The following IL18R1 variants were observed in gnomAD, a reference collection of about 807,000 sequenced individuals.
The protein encoded by IL18R1 is interleukin 18 receptor 1.
Under a neutral mutation model 48.5 loss-of-function variants are expected in IL18R1, and 40 were observed. The observed-to-expected ratio is 0.82, with a 90% CI of 0.64 to 1.07. IL18R1 has a LOEUF of 1.07. Among genes scored for constraint, IL18R1 ranks in the 50% least tolerant of loss-of-function variants. IL18R1 has a pLI of 0.00. For missense variants in IL18R1, 596 were observed against 633.7 expected (o/e 0.94, Z 0.64); for synonymous variants, 232 against 225.9 (o/e 1.03, Z -0.24).
rs57709990 is a variant in IL18R1, at chr2:102,390,934, C to CA, written c.1111+733dup. ...TGGGCGACAAAGCAAGACTCCGTCT[C>CA]AAAAAAAAAAAAAAAAGAGAGAGAA... On this transcript the variant is annotated intron_variant, in intron 9 of 10. Coordinates refer to ENST00000233957, the MANE Select transcript of IL18R1 (RefSeq NM_003855.5). Among the ~76,000 whole-genome samples the CA allele has an allele frequency of 2.3e-3, 184 of 80,218 alleles. 6 individuals are homozygous for CA. The highest frequency in any genetic ancestry group is 0.01 in the South Asian group (24 of 2,290). The allele number at this position is 80,218 out of a possible 152,430, so 52.6% of individuals were successfully genotyped here. A position where few individuals can be genotyped will look rare whatever the true frequency, so the allele number is the denominator to read the frequency against.
At chr2:102,384,078 G>A (rs1680080848) in intron 6 of IL18R1, among the ~76,000 whole-genome samples, 1 of 152,128 alleles carries the variant, frequency 6.6e-6, no homozygotes, top group Non-Finnish European at 1.5e-5. Context: ...TTACAAGTAG[G>A]TAGCCTGAGA....
chr2:102,387,979 G>A (rs1286202466), intron 8 of IL18R1, among the ~76,000 whole-genome samples: 1 of 152,108 alleles, frequency 6.6e-6, no homozygotes, highest in East Asian at 1.9e-4. Context: ...GAGAGGCAGA[G>A]ACATGAAGGG....
chr2:102,384,583 G>A (rs1436207934), intron 6 of IL18R1, among the ~76,000 whole-genome samples: 1 of 152,130 alleles, frequency 6.6e-6, no homozygotes, highest in Non-Finnish European at 1.5e-5. Context: ...CTCAGTGAGA[G>A]TATTGTCCTG....
intron 3 of IL18R1, among the ~76,000 whole-genome samples, chr2:102,369,688 A>T (rs1161558446): frequency 1.3e-5 from 2 of 152,246 alleles, no homozygotes; most frequent in African/African-American, 4.8e-5. Context: ...TATGTGTTCT[A>T]ACTTAGGTGT....
At chr2:102,390,730 G>A (rs556802482) in intron 9 of IL18R1, among the ~76,000 whole-genome samples, 3 of 152,034 alleles carry the variant, frequency 2.0e-5, no homozygotes, top group South Asian at 2.1e-4. Context: ...TCAGGAGATC[G>A]AGACCATCCT....
chr2:102,360,219 C>T (rs556236793), intron 1 of IL18R1, among the ~76,000 whole-genome samples: 1 of 152,282 alleles, frequency 6.6e-6, no homozygotes, highest in South Asian at 2.1e-4. Context: ...AGGAAAAATG[C>T]TCATTATGTA....
At chr2:102,388,591 G>T (rs1680380574) in intron 8 of IL18R1, among the ~76,000 whole-genome samples, 2 of 152,152 alleles carry the variant, frequency 1.3e-5, no homozygotes, top group Non-Finnish European at 2.9e-5. Context: ...AACAGGGCAG[G>T]ACTGTCCTAT....
At chr2:102,387,236 C>T (rs941629408) in intron 8 of IL18R1, among the ~76,000 whole-genome samples, 3 of 152,118 alleles carry the variant, frequency 2.0e-5, no homozygotes, top group African/African-American at 4.8e-5. Context: ...ATGTGGAAAT[C>T]GGGGGGCCTG....
At chr2:102,365,841 T>G (rs1251765834) in intron 2 of IL18R1, among the ~76,000 whole-genome samples, 5 of 152,188 alleles carry the variant, frequency 3.3e-5, no homozygotes, top group African/African-American at 1.2e-4. Context: ...GCTTGCACCC[T>G]CTGAAGCCAC....
intron 5 of IL18R1, among the ~76,000 whole-genome samples, chr2:102,378,018 C>G (rs1028808760): frequency 3.3e-5 from 5 of 152,194 alleles, no homozygotes; most frequent in African/African-American, 1.2e-4. Context: ...CCTAAACTCT[C>G]CAACTTTACT....
At chr2:102,387,548 C>T (rs1680311704) in intron 8 of IL18R1, among the ~76,000 whole-genome samples, 1 of 152,232 alleles carries the variant, frequency 6.6e-6, no homozygotes, top group African/African-American at 2.4e-5. Context: ...CCAGGGTCGC[C>T]ATCCCTTTCC....
chr2:102,372,294 A>G (rs994224401), intron 4 of IL18R1, among the ~76,000 whole-genome samples, 176 bp downstream of exon 4: 2 of 152,234 alleles, frequency 1.3e-5, no homozygotes, highest in African/African-American at 4.8e-5. Context: ...GAGCTGATAC[A>G]TAGTATTAAA....
At chr2:102,392,878 C>T (rs1219798309) in intron 9 of IL18R1, among the ~76,000 whole-genome samples, 4 of 151,942 alleles carry the variant, frequency 2.6e-5, no homozygotes, top group African/African-American at 9.7e-5. Context: ...TTTTTGAATA[C>T]TTTACTCTGT....
intron 5 of IL18R1, among the ~76,000 whole-genome samples, chr2:102,379,405 A>AT (rs1296132311): frequency 1.4e-5 from 2 of 142,762 alleles, no homozygotes; most frequent in African/African-American, 5.4e-5. Context: ...AGGTTGTGCC[A>AT]TTGCACTCCA....
At position 102,387,880 on chromosome 2, in the gene IL18R1, GAGAA is replaced by G. The variant is rs1680330246; in HGVS notation, c.949+884_949+887del. 2.6e-5 allele frequency among the ~76,000 whole-genome samples: 4 copies of G among 152,130 alleles called. No individual in the cohort carries two copies. In the South Asian group the frequency reaches 8.3e-4, roughly 32 times the overall value. On this transcript the variant is annotated intron_variant, in intron 8 of 10. Coordinates refer to ENST00000233957, the MANE Select transcript of IL18R1 (RefSeq NM_003855.5). Reference sequence around the variant, plus strand: ...AGAGAGATGAAGACAGAAAGAGAAAGAGAAAGAGAGACAGAGACACAGAGAGACA... The same window carrying G: ...AGAGAGATGAAGACAGAAAGAGAAAGAGAGAGACAGAGACACAGAGAGACA...
At chr2:102,365,255 C>A (rs1276026681) in intron 2 of IL18R1, among the ~76,000 whole-genome samples, 1 of 152,152 alleles carries the variant, frequency 6.6e-6, no homozygotes, top group Non-Finnish European at 1.5e-5. Flanking sequence ...GGAGTACAGG[C>A]ATTGAGTAAA....
chr2:102,369,418 C>T (rs1679113667), intron 3 of IL18R1, among the ~76,000 whole-genome samples: 1 of 152,198 alleles, frequency 6.6e-6, no homozygotes, highest in Non-Finnish European at 1.5e-5. Flanking sequence ...GGCAGGATGT[C>T]AGAGAGAGGT....
intron 9 of IL18R1, among the ~76,000 whole-genome samples, chr2:102,391,775 T>A (rs1298725368): frequency 6.6e-6 from 1 of 152,218 alleles, no homozygotes; most frequent in African/African-American, 2.4e-5. Context: ...TGTATTTAAG[T>A]GACATTTTAA....
chr2:102,378,332 A>C (rs149007668), intron 5 of IL18R1, among the ~76,000 whole-genome samples: 10 of 152,278 alleles, frequency 6.6e-5, no homozygotes, highest in Admixed American at 1.3e-4. Flanking sequence ...TGGGACAGTA[A>C]TGGTTCATCC....
Sources: allele counts gnomAD v4.1 joint callset (sites outside exome capture counted in the v4.1 genomes callset), GRCh38; gene constraint gnomAD v4.1.1; transcripts MANE v1.5; gene names NCBI Gene and HGNC (gene_info 2026-07-23, HGNC 2026-07-21).